The following NRXN2 variants were observed in gnomAD, a reference collection of about 807,000 sequenced individuals.
The protein encoded by NRXN2 is neurexin 2.
A neutral mutation model predicts 128.8 loss-of-function variants in NRXN2; 29 were observed. The observed-to-expected ratio is 0.23, with a 90% CI of 0.17 to 0.31. The LOEUF (loss-of-function observed/expected upper bound fraction) is 0.31. Among genes scored for constraint, NRXN2 ranks in the 10% least tolerant of loss-of-function variants. The pLI, the probability that NRXN2 is intolerant of heterozygous loss-of-function variation, is 1.00. For synonymous variants in NRXN2, 1,098 were observed against 1,075.2 expected (o/e 1.02, Z -0.41); for missense variants, 1,881 against 2,452.6 (o/e 0.77, Z 4.92).
intron 5 of NRXN2, among the ~76,000 whole-genome samples, chr11:64,687,814 T>C (rs1185033979): frequency 6.6e-6 from 1 of 151,538 alleles, no homozygotes; most frequent in Non-Finnish European, 1.5e-5. Context: ...GTACAGGAGA[T>C]GGGAAGAGAG....
chr11:64,628,849 C>G (rs1342314262), intron 19 of NRXN2, among the ~76,000 whole-genome samples: 2 of 152,116 alleles, frequency 1.3e-5, no homozygotes, highest in Non-Finnish European at 2.9e-5. Context: ...TTGAGTGTCC[C>G]TACATGTACC....
At chr11:64,620,929 T>C (rs1037961961) in intron 21 of NRXN2, among the ~76,000 whole-genome samples, 1 of 151,500 alleles carries the variant, frequency 6.6e-6, no homozygotes, top group Admixed American at 6.6e-5. Flanking sequence ...TTTGTCAGCA[T>C]TTTCTCTCTT....
chr11:64,614,268 T>C (rs930414913), intron 22 of NRXN2, among the ~76,000 whole-genome samples: 4 of 152,174 alleles, frequency 2.6e-5, no homozygotes, highest in African/African-American at 9.7e-5. Context: ...CTCCCACCTA[T>C]TGTTTCAAAT....
chr11:64,611,251 GTTCTAAAC>G (rs1415332201), intron 22 of NRXN2, among the ~76,000 whole-genome samples: 1 of 152,208 alleles, frequency 6.6e-6, no homozygotes, highest in East Asian at 1.9e-4. Flanking sequence ...GAGCAGCTGA[GTTCTAAAC>G]ACCCCACCCC....
intron 11 of NRXN2, among the ~76,000 whole-genome samples, chr11:64,653,957 G>A (rs1343696778): frequency 6.6e-6 from 1 of 152,186 alleles, no homozygotes; most frequent in Non-Finnish European, 1.5e-5. Flanking sequence ...AGGGCAGTCA[G>A]ATGATGGGAA....
rs528702783 is a variant in NRXN2 at position 64,630,768 on chromosome 11, G to A, written c.3586-195C>T. 5.3e-5 allele frequency among the ~76,000 whole-genome samples: 8 copies of A among 152,280 alleles called. No individual in the cohort carries two copies. The South Asian group carries it at 1.7e-3, about 32-fold the overall frequency. ...GGGAGTAACTTGAGGCCGGAGGTGC[G>A]TGCAGAGCCTGGGCCCAGAGCGCCT... On this transcript the variant is annotated intron_variant, in intron 18 of 22. Transcript: ENST00000265459. This position sits in a 1 kb window ranked among gnomAD's most constrained non-coding sequence, Gnocchi z 4.6.
Position 64,652,044 on chromosome 11 carries a change from T to C in NRXN2, c.2527A>G (p.Thr843Ala). The change falls in exon 13 of 23, where the codon ACT becomes GCT. Residue 843 changes from threonine to alanine, a missense_variant. Thr to Ala is a moderately conservative substitution (Grantham distance 58). Transcript: ENST00000265459. ...KSLQLSVDNV[T>A]VEGQMAGAHM... ...GGCCCAGACCACCTACCCTCCACAG[T>C]CACGTTGTCCACAGACAGCTGCAGG... is the stretch of plus-strand genomic sequence containing the variant. 1.2e-6 allele frequency: 2 copies of C among 1,612,382 alleles called. No individual in the cohort carries two copies. Among genetic ancestry groups the C allele is most frequent in the Non-Finnish European group, 1.7e-6 (2 of 1,179,962 alleles).
chr11:64,672,950 C>A (rs2050821559), intron 7 of NRXN2, among the ~76,000 whole-genome samples: 1 of 152,154 alleles, frequency 6.6e-6, no homozygotes, highest in South Asian at 2.1e-4. Context: ...CTCATTCAGC[C>A]TTTATCCTTT....
chr11:64,706,478 C>G (rs1430639184), intron 2 of NRXN2, among the ~76,000 whole-genome samples: 1 of 151,782 alleles, frequency 6.6e-6, no homozygotes, highest in Non-Finnish European at 1.5e-5. Flanking sequence ...CAGCTTCATC[C>G]ATGTCCCTAC....
At chr11:64,689,710 A>G (rs538736624) in intron 5 of NRXN2, among the ~76,000 whole-genome samples, 58 of 152,330 alleles carry the variant, frequency 3.8e-4, no homozygotes, top group African/African-American at 1.3e-3. Context: ...GGGGTGTTCA[A>G]GGAGACTTCC....
chr11:64,702,971 TAAAA>T (rs557268486), intron 2 of NRXN2, among the ~76,000 whole-genome samples: 5 of 51,156 alleles, frequency 9.8e-5, no homozygotes, highest in Non-Finnish European at 1.9e-4. Context: ...CCCAGGTCTC[TAAAA>T]AAAAAAAAAA....
intron 15 of NRXN2, 85 bp downstream of exon 15, chr11:64,650,363 G>A: frequency 7.2e-7 from 1 of 1,393,340 alleles, no homozygotes; most frequent in Non-Finnish European, 1.0e-6. Flanking sequence ...ACCGAGGGAA[G>A]CAGCGTCGCA....
chr11:64,636,636 A>T (rs2044764364), intron 17 of NRXN2, among the ~76,000 whole-genome samples: 1 of 152,096 alleles, frequency 6.6e-6, no homozygotes, highest in Non-Finnish European at 1.5e-5. Context: ...GGAGGACTTA[A>T]AGAAGGAGAG....
intron 22 of NRXN2, among the ~76,000 whole-genome samples, chr11:64,615,558 G>A (rs928485856): frequency 6.6e-6 from 1 of 152,212 alleles, no homozygotes; most frequent in Non-Finnish European, 1.5e-5. Context: ...AGTAAGTGCA[G>A]GAGGCTGCTT....
chr11:64,709,052 C>T (rs979251286), intron 2 of NRXN2, among the ~76,000 whole-genome samples: 2 of 152,006 alleles, frequency 1.3e-5, no homozygotes, highest in African/African-American at 4.8e-5. Context: ...ATTAGCTGGA[C>T]ATAGTGGCGG....
At chr11:64,709,954 C>T (rs554397082) in intron 2 of NRXN2, among the ~76,000 whole-genome samples, 1 of 149,378 alleles carries the variant, frequency 6.7e-6, no homozygotes, top group Non-Finnish European at 1.5e-5. Context: ...GTCACCCAGG[C>T]TGGAGTGCAG....
intron 2 of NRXN2, among the ~76,000 whole-genome samples, chr11:64,712,102 C>T (rs1054532120): frequency 6.6e-6 from 1 of 152,204 alleles, no homozygotes; most frequent in Admixed American, 6.5e-5. Context: ...CAAAGCCCCG[C>T]CACACGGCCT....
At chr11:64,627,993 G>A (rs962956782) in intron 19 of NRXN2, among the ~76,000 whole-genome samples, 3 of 152,144 alleles carry the variant, frequency 2.0e-5, no homozygotes, top group Non-Finnish European at 1.5e-5. Flanking sequence ...TATGAGGCAA[G>A]GAGATTCTGC....
chr11:64,617,434 G>A (rs1181561173), intron 22 of NRXN2, among the ~76,000 whole-genome samples: 2 of 152,164 alleles, frequency 1.3e-5, no homozygotes, highest in South Asian at 2.1e-4. Flanking sequence ...CATTACCGAT[G>A]GTGCATGCCC....
Sources: allele counts gnomAD v4.1 joint callset (sites outside exome capture counted in the v4.1 genomes callset), GRCh38; gene constraint gnomAD v4.1.1; non-coding constraint Gnocchi (gnomAD v3.1); transcripts MANE v1.5; gene names NCBI Gene and HGNC (gene_info 2026-07-23, HGNC 2026-07-21).